Variants in MFSD2B observed in about 807,000 individuals in gnomAD.
MFSD2B encodes sphingosine-1-phosphate transporter MFSD2B.
In MFSD2B, 56 loss-of-function variants were observed where a neutral mutation model predicts 58.4. The ratio of observed to expected loss-of-function variants is 0.96; its 90% CI spans 0.77 to 1.20. The LOEUF (loss-of-function observed/expected upper bound fraction) is 1.20. Among genes scored for constraint, MFSD2B ranks in the 50% most tolerant of loss-of-function variants. MFSD2B has a pLI of 0.00. For missense variants in MFSD2B, 645 were observed against 667.6 expected (o/e 0.97, Z 0.37); for synonymous variants, 287 against 294.4 (o/e 0.97, Z 0.26).
At position 24,020,830 on chromosome 2, in the gene MFSD2B, G is replaced by A. The variant is rs756748223; in HGVS notation, c.682-818G>A. 9.2e-5 allele frequency among the ~76,000 whole-genome samples: 14 copies of A among 152,110 alleles called. No individual in the cohort carries two copies. Among genetic ancestry groups the A allele is most frequent in the Non-Finnish European group, 1.6e-4 (11 of 68,012 alleles). On this transcript the variant is annotated intron_variant, in intron 6 of 13. Transcript: ENST00000338315. The surrounding 1 kb of genome is among the most constrained non-coding windows in gnomAD (Gnocchi z 4.1). Reference sequence around the variant, plus strand: ...GATCCACCTGCCTCAGCTTCCCAAAGAGCTGGAATGACAGGCATGAGCCAC... The same window carrying A: ...GATCCACCTGCCTCAGCTTCCCAAAAAGCTGGAATGACAGGCATGAGCCAC...
In MFSD2B at chr2:24,021,352, C is replaced by T. The variant is rs868726166; in HGVS notation, c.682-296C>T. Among the ~76,000 whole-genome samples the T allele has an allele frequency of 2.6e-5, 4 of 152,202 alleles. No homozygotes were observed. Among genetic ancestry groups the T allele is most frequent in the African/African-American group, 9.6e-5 (4 of 41,452 alleles). On this transcript the variant is annotated intron_variant, in intron 6 of 13. Coordinates refer to ENST00000338315, the MANE Select transcript of MFSD2B (RefSeq NM_001346880.2). The surrounding 1 kb of genome is among the most constrained non-coding windows in gnomAD (Gnocchi z 5.7). ...TCAGGGCCTGGCATGCGGAAGGCAG[C>T]AGCAGTCAATGTTTGCTTCATAGAA...
chr2:24,021,685 T>C lies in MFSD2B; in HGVS notation c.719T>C (p.Val240Ala). 1 of 1,613,560 alleles carries C rather than the reference T, an allele frequency of 6.2e-7. No homozygotes were observed. ...LYCIAAAVVV[V>A]TYPVCISLLC... ...TGCATTGCGGCTGCCGTGGTTGTAG[T>C]GACTTACCCCGTGTGCATCAGTTTA... The change falls in exon 7 of 14, where the codon GTG becomes GCG. Residue 240 changes from valine to alanine, a missense_variant. By Grantham distance (64) the Val-to-Ala change is moderately conservative. Coordinates refer to ENST00000338315, the MANE Select transcript of MFSD2B (RefSeq NM_001346880.2). The surrounding 1 kb of genome is among the most constrained non-coding windows in gnomAD (Gnocchi z 5.7).
chr2:24,011,210 CT>C (rs1409249119), intron 1 of MFSD2B, among the ~76,000 whole-genome samples: 1 of 152,198 alleles, frequency 6.6e-6, no homozygotes. Context: ...CTGTACCGGG[CT>C]TTTATGACTT....
At position 24,024,281 on chromosome 2, in the gene MFSD2B, G is replaced by C; in HGVS notation, c.1490+10G>C. ...GGCTGAGCCTTCGGAGGTAAGCCCCGCACGCCCCCTGCAGCCAGCGAGGCA... is the reference window on the plus strand; with the variant it reads ...GGCTGAGCCTTCGGAGGTAAGCCCCCCACGCCCCCTGCAGCCAGCGAGGCA... On this transcript the variant is annotated intron_variant, in intron 13 of 13. Transcript: ENST00000338315. The surrounding 1 kb of genome is among the most constrained non-coding windows in gnomAD (Gnocchi z 4.3). 1 of 1,591,644 alleles carries C rather than the reference G, an allele frequency of 6.3e-7. No homozygotes were observed. Among genetic ancestry groups the C allele is most frequent in the Non-Finnish European group, 8.5e-7 (1 of 1,170,510 alleles).
At position 24,020,477 on chromosome 2, in the gene MFSD2B, C is replaced by G. The variant is rs915471249; in HGVS notation, c.682-1171C>G. Among the ~76,000 whole-genome samples the G allele has an allele frequency of 6.6e-6, 1 of 152,114 alleles. No homozygotes were observed. The highest frequency in any genetic ancestry group is 2.4e-5 in the African/African-American group (1 of 41,388). On this transcript the variant is annotated intron_variant, in intron 6 of 13. Coordinates refer to ENST00000338315, the MANE Select transcript of MFSD2B (RefSeq NM_001346880.2). This position sits in a 1 kb window ranked among gnomAD's most constrained non-coding sequence, Gnocchi z 4.1. Reference sequence around the variant, plus strand: ...CCCTCCCCAGAGGCAGCCTCTGTCCCGAACTGGCTGTGACTCTCGTGCATG... The same window carrying G: ...CCCTCCCCAGAGGCAGCCTCTGTCCGGAACTGGCTGTGACTCTCGTGCATG...
Position 24,023,350 on chromosome 2 carries a change from C to A in MFSD2B, c.1169+111C>A. 1.0e-6 allele frequency: 1 copy of A among 995,740 alleles called. No homozygotes were observed. The allele number at this position is 995,740 out of a possible 1,614,324, so 61.7% of individuals were successfully genotyped here. On this transcript the variant is annotated intron_variant, in intron 11 of 13. Coordinates refer to ENST00000338315, the MANE Select transcript of MFSD2B (RefSeq NM_001346880.2). The surrounding 1 kb of genome is among the most constrained non-coding windows in gnomAD (Gnocchi z 5.0). ...CAGCCTGTGCAGGAGATGGAGGCCA[C>A]CAGCTCCATCCTCAGAGCCCTCCTG...
At chr2:24,014,392 G>A (rs769990658) in intron 2 of MFSD2B, among the ~76,000 whole-genome samples, 15 of 152,158 alleles carry the variant, frequency 9.9e-5, no homozygotes, top group Non-Finnish European at 1.9e-4. Context: ...GATCTCAGGT[G>A]TTCCATCCAC....
intron 3 of MFSD2B, 27 bp from the exon 4 acceptor site, chr2:24,016,818 C>T (rs372883250): frequency 3.2e-5 from 51 of 1,610,342 alleles, no homozygotes; most frequent in South Asian, 2.5e-4. Flanking sequence ...GTCGGGGGGC[C>T]GCTCCACCTC....
rs752922540 is a variant in MFSD2B at position 24,022,831 on chromosome 2, G to A, written c.988G>A (p.Val330Met). Reference protein sequence around the residue: ...GLVLTVLVSAVLSTPLWEWVL... With the variant: ...GLVLTVLVSAMLSTPLWEWVL... ...TGCTGTCTGCTCACAGGTCTCAGCCGTGCTGAGCACCCCGCTGTGGGAGTG... is the reference window on the plus strand; with the variant it reads ...TGCTGTCTGCTCACAGGTCTCAGCCATGCTGAGCACCCCGCTGTGGGAGTG... The change falls in exon 10 of 14, where the codon GTG becomes ATG. Residue 330 changes from valine (V) to methionine (M), a missense_variant. Val to Met is a conservative substitution (Grantham distance 21). Coordinates refer to ENST00000338315, the MANE Select transcript of MFSD2B (RefSeq NM_001346880.2). The surrounding 1 kb of genome is among the most constrained non-coding windows in gnomAD (Gnocchi z 4.5). 34 of 1,600,458 alleles carry A rather than the reference G, an allele frequency of 2.1e-5. No individual in the cohort carries two copies. Among genetic ancestry groups the A allele is most frequent in the South Asian group, 1.9e-4 (17 of 88,360 alleles).
At chr2:24,016,335 A>G (rs960239344) in intron 3 of MFSD2B, 55 bp downstream of exon 3, 3 of 1,383,786 alleles carry the variant, frequency 2.2e-6, no homozygotes, top group African/African-American at 1.4e-5. Context: ...CCCTGAGGTC[A>G]CTGTTTGTCA....
At chr2:24,011,098 G>A (rs979056946) in intron 1 of MFSD2B, among the ~76,000 whole-genome samples, 4 of 152,224 alleles carry the variant, frequency 2.6e-5, no homozygotes, top group Non-Finnish European at 5.9e-5. Flanking sequence ...AGGAGACCGA[G>A]GTGCCCTGCC....
chr2:24,011,870 G>A (rs1573629379), intron 1 of MFSD2B, among the ~76,000 whole-genome samples: 2 of 152,286 alleles, frequency 1.3e-5, no homozygotes, highest in African/African-American at 4.8e-5. Flanking sequence ...GCCTCTTGGA[G>A]GAGGTGACAT....
chr2:24,010,184 G>C lies in MFSD2B; in HGVS notation c.88G>C (p.Gly30Arg). The stretch of plus-strand genomic sequence containing the variant: ...GCCCGGCCCGGGGAGCGCCAAGCGA[G>C]GGCGAGAGGTGAGCGGGGCGGCGGG... Reference protein sequence around the residue: ...PEPGPGSAKRGREDSRAGRLS... With the variant: ...PEPGPGSAKRRREDSRAGRLS... The change falls in exon 1 of 14, where the codon GGG becomes CGG. Residue 30 changes from glycine to arginine, a missense_variant. Coordinates refer to ENST00000338315, the MANE Select transcript of MFSD2B (RefSeq NM_001346880.2). The C allele has an allele frequency of 7.0e-7, 1 of 1,420,896 alleles. No individual in the cohort carries two copies. Among genetic ancestry groups the C allele is most frequent in the Non-Finnish European group, 9.1e-7 (1 of 1,093,188 alleles). 88.0% of individuals were successfully genotyped at this position (1,420,896 alleles called of 1,614,324 possible). A position where few individuals can be genotyped will look rare whatever the true frequency, so the allele number is the denominator to read the frequency against.
chr2:24,015,223 C>T (rs1709095625), intron 2 of MFSD2B, among the ~76,000 whole-genome samples: 1 of 151,642 alleles, frequency 6.6e-6, no homozygotes, highest in Non-Finnish European at 1.5e-5. Flanking sequence ...ACCGTCTAAG[C>T]TCAGGTGTTC....
In MFSD2B at chr2:24,013,370, CA is replaced by C. The variant is rs1709023481; in HGVS notation, c.183del (p.Ala62ProfsTer11). ...CCCAACCAGATAGCCTCCAGCGCCA[CA>C]GCCTTTTACCTGCAGCTTTTCCTGC... ...GVPNQIASSA[T>X]AFYLQLFLLD... On this transcript the variant is annotated frameshift_variant, in exon 2 of 14. Coordinates refer to ENST00000338315, the MANE Select transcript of MFSD2B (RefSeq NM_001346880.2). LOFTEE classifies it high-confidence loss of function. 3 of 1,610,794 alleles carry C rather than the reference CA, an allele frequency of 1.9e-6. No homozygotes were observed. Among genetic ancestry groups the C allele is most frequent in the Non-Finnish European group, 2.5e-6 (3 of 1,178,662 alleles).
At position 24,016,290 on chromosome 2, in the gene MFSD2B, C is replaced by T. The variant is rs768503892; in HGVS notation, c.347+10C>T. 2.7e-5 allele frequency: 43 copies of T among 1,612,230 alleles called. No homozygotes were observed. The East Asian group carries it at 4.7e-4, about 18-fold the overall frequency. On this transcript the variant is annotated intron_variant, in intron 3 of 13. Transcript: ENST00000338315. ...GACGGCTCATGCCTTGGTGAGCAAC[C>T]GCTCAGTCCTTAGGATCCAGGCACC...
intron 2 of MFSD2B, among the ~76,000 whole-genome samples, chr2:24,015,073 T>C (rs1490090883): frequency 6.6e-6 from 1 of 151,796 alleles, no homozygotes; most frequent in African/African-American, 2.4e-5. Flanking sequence ...GAGCTAAGAT[T>C]GCACCACCAC....
Position 24,022,976 on chromosome 2 carries a change from CCTCCTGGGGCCAG to C in MFSD2B, c.1059+76_1059+88del. The C allele has an allele frequency of 7.0e-7, 1 of 1,437,912 alleles. No homozygotes were observed. Among genetic ancestry groups the C allele is most frequent in the Non-Finnish European group, 9.6e-7 (1 of 1,036,676 alleles). The allele number at this position is 1,437,912 out of a possible 1,614,324, so 89.1% of individuals were successfully genotyped here. On this transcript the variant is annotated intron_variant, in intron 10 of 13. Transcript: ENST00000338315. The surrounding 1 kb of genome is among the most constrained non-coding windows in gnomAD (Gnocchi z 4.5). The stretch of plus-strand genomic sequence containing the variant: ...GAGCGAGGTGACCTTGGTGCCTGAG[CCTCCTGGGGCCAG>C]CAGGGGTGGATCTGTGTTCCCTTGA...
In MFSD2B at chr2:24,023,833, A is replaced by G. The variant is rs1662889054; in HGVS notation, c.1313+107A>G. 7.4e-7 allele frequency: 1 copy of G among 1,354,534 alleles called. No homozygotes were observed. The highest frequency in any genetic ancestry group is 1.0e-6 in the Non-Finnish European group (1 of 975,188). 83.9% of individuals were successfully genotyped at this position (1,354,534 alleles called of 1,614,324 possible). ...CAGGGCATCCATGAGCCTGGGGCCT[A>G]AGCGCTACTCTTTGGAGAGTGTGGG... On this transcript the variant is annotated intron_variant, in intron 12 of 13. Coordinates refer to ENST00000338315, the MANE Select transcript of MFSD2B (RefSeq NM_001346880.2). This position sits in a 1 kb window ranked among gnomAD's most constrained non-coding sequence, Gnocchi z 5.0.
Sources: allele counts gnomAD v4.1 joint callset (sites outside exome capture counted in the v4.1 genomes callset), GRCh38; gene constraint gnomAD v4.1.1; non-coding constraint Gnocchi (gnomAD v3.1); transcripts MANE v1.5; gene names NCBI Gene and HGNC (gene_info 2026-07-23, HGNC 2026-07-21).